RFX3: variants seen among roughly 807,000 people sequenced by gnomAD.
RFX3 encodes the protein regulatory factor X3, also known as transcription factor RFX3.
Under a neutral mutation model 98.6 loss-of-function variants are expected in RFX3, and 14 were observed. The observed-to-expected ratio is 0.14, with a 90% CI of 0.09 to 0.22. RFX3 has a LOEUF of 0.22. RFX3 is among the 10% of genes least tolerant of loss of function. RFX3 has a pLI of 1.00. For missense variants in RFX3, 639 were observed against 926.9 expected, an observed-to-expected ratio of 0.69 and a Z score of 4.03; for synonymous variants, 383 against 328.4, an observed-to-expected ratio of 1.17 and a Z score of -1.80.
rs867663877 is a variant in RFX3 at position 3,247,080 on chromosome 9, C to G, written c.1968+952G>C. ...TATTTATATAAGCACATACACATAG[C>G]TTAAAAGTGAACATGTCTTTTTTAC... On this transcript the variant is annotated intron_variant, in intron 15 of 16. Transcript: ENST00000617270. 3 of 984,598 alleles carry G rather than the reference C, an allele frequency of 3.0e-6. No individual in the cohort carries two copies. The African/African-American group carries it at 5.2e-5, about 17-fold the overall frequency. The allele number at this position is 984,598 out of a possible 1,614,324, so 61.0% of individuals were successfully genotyped here. A position where few individuals can be genotyped will look rare whatever the true frequency, so the allele number is the denominator to read the frequency against.
intron 2 of RFX3, among the ~76,000 whole-genome samples, chr9:3,348,739 T>C (rs1834741478): frequency 6.6e-6 from 1 of 152,090 alleles, no homozygotes; most frequent in African/African-American, 2.4e-5. Flanking sequence ...TTCTCAGCTT[T>C]TGAACATATT....
chr9:3,433,203 T>G (rs992600400), intron 1 of RFX3, among the ~76,000 whole-genome samples: 1 of 151,894 alleles, frequency 6.6e-6, no homozygotes, highest in Non-Finnish European at 1.5e-5. Flanking sequence ...TGTTCAAGAG[T>G]CAACTGTATT....
At chr9:3,246,405 G>A (rs959814641) in intron 15 of RFX3, among the ~76,000 whole-genome samples, 5 of 152,120 alleles carry the variant, frequency 3.3e-5, no homozygotes, top group Non-Finnish European at 7.4e-5. Context: ...CCTTCACACT[G>A]TGTGACTGGC....
At position 3,264,139 on chromosome 9, in the gene RFX3, T is replaced by A. The variant is rs568458282; in HGVS notation, c.1456-1055A>T. ...AACTCTGTTTATCCCCACCGTTGGATGCACGATTTGTTGCCTGTTCAGACC... is the reference window on the plus strand; with the variant it reads ...AACTCTGTTTATCCCCACCGTTGGAAGCACGATTTGTTGCCTGTTCAGACC... On this transcript the variant is annotated intron_variant, in intron 12 of 16. Transcript: ENST00000617270. Among the ~76,000 whole-genome samples the A allele has an allele frequency of 2.6e-5, 4 of 152,280 alleles. No individual in the cohort carries two copies. In the South Asian group the frequency reaches 6.2e-4, roughly 24 times the overall value.
intron 1 of RFX3, among the ~76,000 whole-genome samples, chr9:3,450,301 T>C (rs1303643188): frequency 1.3e-5 from 2 of 152,168 alleles, no homozygotes; most frequent in Non-Finnish European, 2.9e-5. Flanking sequence ...ACGAGATATA[T>C]AACAGGGAAC....
At chr9:3,482,287 G>A (rs1849838087) in intron 1 of RFX3, among the ~76,000 whole-genome samples, 1 of 151,638 alleles carries the variant, frequency 6.6e-6, no homozygotes, top group Non-Finnish European at 1.5e-5. Context: ...TAGGAGAAAA[G>A]AGCACATACA....
chr9:3,521,008 T>G (rs1168211629), intron 1 of RFX3, among the ~76,000 whole-genome samples: 1 of 152,222 alleles, frequency 6.6e-6, no homozygotes, highest in African/African-American at 2.4e-5. Context: ...AATACTATTT[T>G]ATTATGAATT....
chr9:3,259,383 A>G (rs571872246), intron 13 of RFX3, among the ~76,000 whole-genome samples: 1 of 151,888 alleles, frequency 6.6e-6, no homozygotes, highest in South Asian at 2.1e-4. Flanking sequence ...TCATTTTACT[A>G]CTCTCTAAAG....
chr9:3,366,754 T>TTTCTTTCTTTCTTTCTTTC (rs1339066119), intron 2 of RFX3, among the ~76,000 whole-genome samples: 3 of 72,728 alleles, frequency 4.1e-5, no homozygotes, highest in South Asian at 5.8e-4. Flanking sequence ...TTCTTTCTTT[T>TTTCTTTCTTTCTTTCTTTC]TGGCTATTCT....
chr9:3,228,558 G>A (rs1353297532), intron 16 of RFX3, among the ~76,000 whole-genome samples: 1 of 152,098 alleles, frequency 6.6e-6, no homozygotes, highest in Admixed American at 6.6e-5. Context: ...CTCTAGCCAT[G>A]GTCAGAAATA....
At chr9:3,504,981 T>TATATCTTATATA (rs1564186191) in intron 1 of RFX3, among the ~76,000 whole-genome samples, 110 of 32,436 alleles carry the variant, frequency 3.4e-3, no homozygotes, top group African/African-American at 9.9e-3. Flanking sequence ...TATTATATAA[T>TATATCTTATATA]ATATATGTTA....
chr9:3,478,666 C>G (rs563509661), intron 1 of RFX3, among the ~76,000 whole-genome samples: 65 of 152,242 alleles, frequency 4.3e-4, no homozygotes, highest in Admixed American at 7.9e-4. Flanking sequence ...TCAGAGGTGA[C>G]ATTCTCCTTT....
At chr9:3,261,313 C>T (rs1822860660) in intron 13 of RFX3, among the ~76,000 whole-genome samples, 1 of 152,000 alleles carries the variant, frequency 6.6e-6, no homozygotes, top group Admixed American at 6.6e-5. Flanking sequence ...TTCTCAATCC[C>T]CCAGGCCTAG....
At chr9:3,408,599 C>G (rs756831371) in intron 1 of RFX3, among the ~76,000 whole-genome samples, 2 of 151,194 alleles carry the variant, frequency 1.3e-5, no homozygotes, top group Non-Finnish European at 2.9e-5. Flanking sequence ...CTCTGTCTCT[C>G]TCTCTCTCTC....
At chr9:3,265,510 A>G (rs1823512024) in intron 12 of RFX3, among the ~76,000 whole-genome samples, 2 of 152,176 alleles carry the variant, frequency 1.3e-5, no homozygotes, top group South Asian at 4.1e-4. Flanking sequence ...ATTGACAAGA[A>G]GTCACAAATG....
intron 2 of RFX3, among the ~76,000 whole-genome samples, chr9:3,389,929 C>T (rs1840125480): frequency 1.3e-5 from 2 of 151,986 alleles, no homozygotes; most frequent in Non-Finnish European, 2.9e-5. Flanking sequence ...ATTCTCTATC[C>T]CTGAACCATA....
chr9:3,491,254 A>AG (rs1471080211), intron 1 of RFX3, among the ~76,000 whole-genome samples: 1 of 152,158 alleles, frequency 6.6e-6, no homozygotes, highest in Non-Finnish European at 1.5e-5. Flanking sequence ...AAACAATCAC[A>AG]GGTGTTTGCT....
intron 1 of RFX3, among the ~76,000 whole-genome samples, chr9:3,427,185 G>A (rs1331609588): frequency 6.8e-6 from 1 of 146,204 alleles, no homozygotes; most frequent in Non-Finnish European, 1.5e-5. Flanking sequence ...TGCACGTGCA[G>A]TAACTTATTA....
chr9:3,518,607 A>C (rs1464450389), intron 1 of RFX3, among the ~76,000 whole-genome samples: 1 of 152,244 alleles, frequency 6.6e-6, no homozygotes, highest in Non-Finnish European at 1.5e-5. Context: ...TCACTCTAAA[A>C]TGAGAAAAGT....
Sources: gnomAD v4.1 joint callset for allele counts (sites outside exome capture counted in the v4.1 genomes callset) on GRCh38, gnomAD v4.1.1 for gene constraint, MANE v1.5 for transcripts, NCBI Gene and HGNC (gene_info 2026-07-23, HGNC 2026-07-21) for gene names.